The following SEL1L variants were observed in gnomAD, a reference collection of about 807,000 sequenced individuals.
SEL1L encodes SEL1L adaptor subunit of SYVN1 ubiquitin ligase.
Under a neutral mutation model 109.8 loss-of-function variants are expected in SEL1L, and 52 were observed. The ratio of observed to expected loss-of-function variants is 0.47; its 90% CI spans 0.38 to 0.60. The LOEUF (loss-of-function observed/expected upper bound fraction) is 0.60. Ranked by LOEUF, SEL1L falls within the 20% of genes least tolerant of loss-of-function variation. The pLI is 0.00. For missense variants in SEL1L, 749 were observed against 962.2 expected (o/e 0.78, Z 2.93); for synonymous variants, 373 against 339.6 (o/e 1.10, Z -1.08).
At chr14:81,527,438 TACACACACAC>T (rs67777470) in intron 2 of SEL1L, among the ~76,000 whole-genome samples, 14 of 146,758 alleles carry the variant, frequency 9.5e-5, no homozygotes, top group Middle Eastern at 3.5e-3. Context: ...TCTTCAAACT[TACACACACAC>T]ACACACACAC....
chr14:81,503,554 GC>G (rs1179218354), intron 5 of SEL1L, among the ~76,000 whole-genome samples: 1 of 151,926 alleles, frequency 6.6e-6, no homozygotes, highest in Non-Finnish European at 1.5e-5. Flanking sequence ...GCCCAGATTG[GC>G]TAGCTATTTT....
intron 3 of SEL1L, among the ~76,000 whole-genome samples, chr14:81,513,695 T>C (rs1004428239): frequency 2.6e-5 from 4 of 152,180 alleles, no homozygotes; most frequent in African/African-American, 9.7e-5. Context: ...TAAAAGCGAC[T>C]AGCGCGGCCG....
At chr14:81,511,782 T>C (rs547157735) in intron 3 of SEL1L, among the ~76,000 whole-genome samples, 2 of 152,340 alleles carry the variant, frequency 1.3e-5, no homozygotes, top group South Asian at 4.1e-4. Flanking sequence ...ATGTAGTCAG[T>C]TTAAACTCAG....
intron 11 of SEL1L, among the ~76,000 whole-genome samples, chr14:81,494,046 G>C (rs1469731528): frequency 6.6e-6 from 1 of 152,126 alleles, no homozygotes. Flanking sequence ...ACACCATCGA[G>C]ATGATGGCAA....
chr14:81,492,682 T>C (rs961476633), intron 11 of SEL1L, 134 bp from the exon 12 acceptor site: 4 of 586,916 alleles, frequency 6.8e-6, no homozygotes, highest in Admixed American at 3.2e-5. Flanking sequence ...GAATACCCAG[T>C]TGCCAATATT....
intron 15 of SEL1L, 31 bp from the exon 16 acceptor site, chr14:81,487,569 A>G (rs371965467): frequency 4.7e-5 from 75 of 1,587,498 alleles, no homozygotes; most frequent in Non-Finnish European, 6.4e-5. Flanking sequence ...ACACGAGATA[A>G]TAGACTTAAG....
chr14:81,518,585 A>G (rs535960359), intron 3 of SEL1L, among the ~76,000 whole-genome samples: 2 of 149,830 alleles, frequency 1.3e-5, no homozygotes, highest in East Asian at 4.0e-4. Flanking sequence ...GCTTGAACCC[A>G]GGAGGCGAAG....
rs1883904095 is a variant in SEL1L at position 81,499,280 on chromosome 14, C to A, written c.891+179G>T. ...AAAAATTGTGGACTCCACCAACTTT[C>A]ATTTACATGTAGATTCCATGTGTTA... On this transcript the variant is annotated intron_variant, in intron 8 of 20. Transcript: ENST00000336735. 1.9e-5 allele frequency: 24 copies of A among 1,265,964 alleles called. No homozygotes were observed. In the South Asian group the frequency reaches 7.9e-4, roughly 42 times the overall value. 78.4% of individuals were successfully genotyped at this position (1,265,964 alleles called of 1,614,324 possible). A position where few individuals can be genotyped will look rare whatever the true frequency, so the allele number is the denominator to read the frequency against.
At chr14:81,517,488 G>GT (rs921573340) in intron 3 of SEL1L, among the ~76,000 whole-genome samples, 4 of 151,976 alleles carry the variant, frequency 2.6e-5, no homozygotes, top group South Asian at 2.1e-4. Context: ...CAATCCAGCA[G>GT]TTTTTTTTCA....
chr14:81,526,664 T>TATTC (rs1007478106), intron 3 of SEL1L, 69 bp downstream of exon 3: 15 of 1,149,696 alleles, frequency 1.3e-5, no homozygotes, highest in Middle Eastern at 2.0e-4. Flanking sequence ...TCAGCCTCTT[T>TATTC]ATTCATTAGC....
intron 3 of SEL1L, among the ~76,000 whole-genome samples, chr14:81,516,599 T>G (rs935404586): frequency 1.3e-5 from 2 of 152,130 alleles, no homozygotes; most frequent in Non-Finnish European, 2.9e-5. Flanking sequence ...CATTCTAACT[T>G]ATAAAAGTGT....
rs761138474 is a variant in SEL1L, at chr14:81,504,299, T to C, written c.516A>G (p.Glu172=). The C allele has an allele frequency of 7.6e-6, 12 of 1,588,176 alleles. No individual in the cohort carries two copies. The East Asian group carries it at 2.8e-4, about 37-fold the overall frequency. The stretch of plus-strand genomic sequence containing the variant: ...GCATCTGCCGTCTCTTAGCAGCCTC[T>C]TCTTCAGCTAAAAACAAAACGTCAG... The part of the protein sequence containing the change: ...DEKWGFCETE[E]EAAKRRQMQE... Residue 172 remains glutamate, a synonymous_variant, in exon 5 of 21, where the codon GAA becomes GAG. Transcript: ENST00000336735.
intron 13 of SEL1L, among the ~76,000 whole-genome samples, chr14:81,489,670 T>C (rs183051988): frequency 6.6e-6 from 1 of 152,288 alleles, no homozygotes; most frequent in Non-Finnish European, 1.5e-5. Flanking sequence ...ACTGGTAACA[T>C]CCCACTCCAA....
intron 3 of SEL1L, among the ~76,000 whole-genome samples, chr14:81,520,789 G>A (rs879694815): frequency 6.6e-6 from 1 of 152,148 alleles, no homozygotes; most frequent in Non-Finnish European, 1.5e-5. Context: ...CAAAAACCTG[G>A]GATGTATGTA....
Position 81,499,530 on chromosome 14 carries a change from C to A in SEL1L, c.832-12G>T, listed in dbSNP as rs917473280. ...TAATATACAAGAGCCTGTGAAAGAA[C>A]AAAACATGTTTAACTGAACATAGGC... On this transcript the variant is annotated splice_polypyrimidine_tract_variant and intron_variant, in intron 7 of 20. Transcript: ENST00000336735. 26 of 1,609,758 alleles carry A rather than the reference C, an allele frequency of 1.6e-5. No individual in the cohort carries two copies. The highest frequency in any genetic ancestry group is 1.7e-4 in the Middle Eastern group (1 of 5,912).
intron 3 of SEL1L, among the ~76,000 whole-genome samples, chr14:81,523,213 T>C (rs72691459): frequency 1.3e-5 from 2 of 152,168 alleles, no homozygotes; most frequent in Non-Finnish European, 2.9e-5. Context: ...ATTAGAGGGT[T>C]AGAATTTACA....
Position 81,477,259 on chromosome 14 carries a change from G to GT in SEL1L, c.2176-79dup, listed in dbSNP as rs554543888. On this transcript the variant is annotated intron_variant, in intron 20 of 20. Coordinates refer to ENST00000336735, the MANE Select transcript of SEL1L (RefSeq NM_005065.6). ...AACTGGGAAAGTTACATCACCAGAA[G>GT]TAAGTACAGAAATTAAAATAATTTG... 5.6e-5 allele frequency: 63 copies of GT among 1,124,944 alleles called. No homozygotes were observed. The African/African-American group carries it at 9.3e-4, about 17-fold the overall frequency. 69.7% of individuals were successfully genotyped at this position (1,124,944 alleles called of 1,614,324 possible). A position where few individuals can be genotyped will look rare whatever the true frequency, so the allele number is the denominator to read the frequency against.
chr14:81,509,664 A>AT (rs1884384005), intron 3 of SEL1L, among the ~76,000 whole-genome samples: 1 of 152,236 alleles, frequency 6.6e-6, no homozygotes, highest in South Asian at 2.1e-4. Context: ...AAAACGGAAA[A>AT]TATGCAGCGT....
At chr14:81,530,220 T>C (rs1303890785) in intron 1 of SEL1L, among the ~76,000 whole-genome samples, 1 of 152,210 alleles carries the variant, frequency 6.6e-6, no homozygotes, top group African/African-American at 2.4e-5. Context: ...AGACCAGATA[T>C]CCTGTTCTCT....
Sources: allele counts gnomAD v4.1 joint callset (sites outside exome capture counted in the v4.1 genomes callset), GRCh38; gene constraint gnomAD v4.1.1; transcripts MANE v1.5; gene names NCBI Gene and HGNC (gene_info 2026-07-23, HGNC 2026-07-21).